The following PDE4D variants were observed in gnomAD, a reference collection of about 807,000 sequenced individuals.
The protein encoded by PDE4D is phosphodiesterase 4D, also known as 3',5'-cyclic-AMP phosphodiesterase 4D.
PDE4D carries 24 observed loss-of-function variants against 87.4 expected under a neutral mutation model. The ratio of observed to expected loss-of-function variants is 0.27; its 90% CI spans 0.20 to 0.39. The LOEUF is 0.39. PDE4D is among the 10% of genes least tolerant of loss of function. The pLI is 1.00. For synonymous variants in PDE4D, 384 were observed against 383.2 expected (o/e 1.00, Z -0.02); for missense variants, 714 against 1,041.0 (o/e 0.69, Z 4.32).
At chr5:59,581,898 T>C (rs1032096920) in intron 1 of PDE4D, among the ~76,000 whole-genome samples, 3 of 152,174 alleles carry the variant, frequency 2.0e-5, no homozygotes, top group Non-Finnish European at 1.5e-5. Flanking sequence ...TTTGCTACAC[T>C]ATATCTAAAC....
At chr5:59,550,646 G>A (rs1817961482) in intron 1 of PDE4D, among the ~76,000 whole-genome samples, 1 of 151,536 alleles carries the variant, frequency 6.6e-6, no homozygotes, top group Non-Finnish European at 1.5e-5. Flanking sequence ...GTTTCTTATG[G>A]ATTGTGTTCA....
At chr5:60,401,052 G>A (rs972870164) in intron 1 of PDE4D, among the ~76,000 whole-genome samples, 2 of 152,148 alleles carry the variant, frequency 1.3e-5, no homozygotes, top group East Asian at 3.9e-4. Context: ...TTACAAAACC[G>A]TGGTACTGGG....
At chr5:59,241,044 T>C (rs1757565075) in intron 1 of PDE4D, among the ~76,000 whole-genome samples, 1 of 152,210 alleles carries the variant, frequency 6.6e-6, no homozygotes, top group Non-Finnish European at 1.5e-5. Context: ...CTCAGCACAC[T>C]GTATGACACT....
chr5:60,074,493 G>A (rs1435735937), intron 2 of PDE4D, among the ~76,000 whole-genome samples: 1 of 152,044 alleles, frequency 6.6e-6, no homozygotes, highest in Non-Finnish European at 1.5e-5. Flanking sequence ...CTTGTTTTTG[G>A]GTGGAGAGAT....
chr5:60,456,023 A>G (rs1746442085), intron 1 of PDE4D, among the ~76,000 whole-genome samples: 1 of 152,120 alleles, frequency 6.6e-6, no homozygotes, highest in Non-Finnish European at 1.5e-5. Context: ...GGGGCCTTGC[A>G]CACACCCCCA....
intron 1 of PDE4D, among the ~76,000 whole-genome samples, chr5:60,243,979 C>T (rs1747422627): frequency 6.6e-6 from 1 of 151,778 alleles, no homozygotes; most frequent in African/African-American, 2.4e-5. Context: ...GAAAAAAACA[C>T]AGGGTATCCG....
At chr5:59,893,030 T>G in intron 1 of PDE4D, 138 bp downstream of exon 1, 1 of 853,070 alleles carries the variant, frequency 1.2e-6, no homozygotes, top group Non-Finnish European at 1.8e-6. Context: ...CACACCCCTG[T>G]TTGTCCTCCC....
At chr5:59,327,645 A>G (rs527491107) in intron 1 of PDE4D, among the ~76,000 whole-genome samples, 1 of 152,332 alleles carries the variant, frequency 6.6e-6, no homozygotes, top group African/African-American at 2.4e-5. Flanking sequence ...GACTTCTTAA[A>G]TTATTTTAAA....
intron 1 of PDE4D, among the ~76,000 whole-genome samples, chr5:59,609,335 G>A (rs1160649638): frequency 6.7e-6 from 1 of 149,000 alleles, no homozygotes; most frequent in African/African-American, 2.5e-5. Flanking sequence ...AATAAAATGT[G>A]AGCAGCATGA....
At chr5:59,242,942 C>T (rs1219900378) in intron 1 of PDE4D, among the ~76,000 whole-genome samples, 3 of 152,112 alleles carry the variant, frequency 2.0e-5, no homozygotes, top group Non-Finnish European at 4.4e-5. Flanking sequence ...ATGATTAGCT[C>T]TCAGTGTTAT....
chr5:60,057,986 A>G (rs1265398856), intron 2 of PDE4D, among the ~76,000 whole-genome samples: 1 of 151,940 alleles, frequency 6.6e-6, no homozygotes, highest in East Asian at 1.9e-4. Flanking sequence ...AGATTCTCTA[A>G]ATCTTCTGCT....
chr5:60,416,405 CA>C (rs1384561822), intron 1 of PDE4D, among the ~76,000 whole-genome samples: 1 of 152,218 alleles, frequency 6.6e-6, no homozygotes, highest in Non-Finnish European at 1.5e-5. Flanking sequence ...TTTGGGTCCA[CA>C]CTGTCTTTAT....
intron 1 of PDE4D, among the ~76,000 whole-genome samples, chr5:60,255,439 A>T (rs1480758953): frequency 1.3e-5 from 2 of 151,804 alleles, no homozygotes; most frequent in African/African-American, 2.4e-5. Context: ...ACTATTCATG[A>T]CTCATTTATT....
chr5:59,202,322 G>A (rs1747676952), intron 2 of PDE4D, among the ~76,000 whole-genome samples: 1 of 152,046 alleles, frequency 6.6e-6, no homozygotes, highest in Non-Finnish European at 1.5e-5. Flanking sequence ...TTACAGGCAT[G>A]ATCCACAGCG....
At chr5:59,856,979 T>C (rs931172064) in intron 1 of PDE4D, among the ~76,000 whole-genome samples, 5 of 152,128 alleles carry the variant, frequency 3.3e-5, no homozygotes, top group African/African-American at 4.8e-5. Context: ...ATACAAGGAA[T>C]GGGATGATGA....
At chr5:60,342,947 C>T (rs1350202367) in intron 1 of PDE4D, among the ~76,000 whole-genome samples, 2 of 152,144 alleles carry the variant, frequency 1.3e-5, no homozygotes, top group Non-Finnish European at 2.9e-5. Flanking sequence ...CCTATTAAGG[C>T]ATCTTGTCAA....
chr5:59,657,180 C>T (rs534209227), intron 1 of PDE4D, among the ~76,000 whole-genome samples: 12 of 152,248 alleles, frequency 7.9e-5, no homozygotes, highest in Admixed American at 2.0e-4. Flanking sequence ...AAAGACTACT[C>T]GGAAGTGCTG....
intron 1 of PDE4D, among the ~76,000 whole-genome samples, chr5:60,394,551 T>C (rs1352639600): frequency 1.3e-5 from 2 of 152,236 alleles, no homozygotes; most frequent in Admixed American, 6.5e-5. Flanking sequence ...TTTCCACTAA[T>C]ATAACATTTT....
intron 3 of PDE4D, among the ~76,000 whole-genome samples, chr5:59,914,981 C>A (rs2152773515): frequency 6.7e-6 from 1 of 150,120 alleles, no homozygotes; most frequent in East Asian, 2.0e-4. Context: ...AATTATAGTG[C>A]TTCTATTGAG....
Sources: gnomAD v4.1 joint callset for allele counts (sites outside exome capture counted in the v4.1 genomes callset) on GRCh38, gnomAD v4.1.1 for gene constraint, MANE v1.5 for transcripts, NCBI Gene and HGNC (gene_info 2026-07-23, HGNC 2026-07-21) for gene names.